Variants in ASIP observed in about 807,000 individuals in gnomAD.
The protein encoded by ASIP is agouti signaling protein.
Under a neutral mutation model 10.3 loss-of-function variants are expected in ASIP, and 11 were observed. The observed-to-expected ratio is 1.07, with a 90% CI of 0.68 to 1.78. The LOEUF (loss-of-function observed/expected upper bound fraction) is 1.78. Ranked by LOEUF, ASIP falls within the 40% of genes most tolerant of loss-of-function variation. The pLI, the probability that ASIP is intolerant of heterozygous loss-of-function variation, is 0.00. For synonymous variants in ASIP, 70 were observed against 70.8 expected (o/e 0.99, Z 0.06); for missense variants, 180 against 169.2 (o/e 1.06, Z -0.35).
chr20:34,244,115 G>T (rs1308269357), intron 1 of ASIP, among the ~76,000 whole-genome samples: 1 of 152,134 alleles, frequency 6.6e-6, no homozygotes, highest in African/African-American at 2.4e-5. Context: ...TAATTTGCAT[G>T]ACAATAAACC....
upstream of ASIP, among the ~76,000 whole-genome samples, chr20:34,189,928 G>A (rs536376939): frequency 4.6e-4 from 70 of 152,284 alleles, 1 homozygote; most frequent in African/African-American, 8.9e-4. Context: ...AGCTCGGTCC[G>A]GTGGACTGCT....
intron 1 of ASIP, chr20:34,214,548 A>G: frequency 6.7e-7 from 1 of 1,502,698 alleles, no homozygotes; most frequent in South Asian, 1.1e-5. Context: ...TGAACCGTGT[A>G]GTCTGCCAAT....
intron 1 of ASIP, among the ~76,000 whole-genome samples, chr20:34,259,323 G>A (rs2035649214): frequency 6.6e-6 from 1 of 152,050 alleles, no homozygotes; most frequent in South Asian, 2.1e-4. Flanking sequence ...GACCAGCCTG[G>A]CCAACATGGT....
chr20:34,217,700 T>C (rs1240454356), intron 1 of ASIP, among the ~76,000 whole-genome samples: 3 of 152,006 alleles, frequency 2.0e-5, no homozygotes, highest in Non-Finnish European at 2.9e-5. Flanking sequence ...TAGCTGGGAC[T>C]GCAGGCGCCC....
chr20:34,258,844 T>C (rs1253841870), intron 1 of ASIP, among the ~76,000 whole-genome samples: 3 of 122,656 alleles, frequency 2.4e-5, no homozygotes, highest in Non-Finnish European at 5.0e-5. Context: ...ATATATATAG[T>C]GTATATATAA....
chr20:34,224,537 A>T lies in ASIP; in HGVS notation c.-11+29777A>T, dbSNP rs528154422. On this transcript the variant is annotated intron_variant, in intron 1 of 3. Coordinates refer to the ASIP transcript ENST00000568305. ...CATAATATAGTTATGAATCAGAAAC[A>T]TGCATACATTTTCTTAAATGACCCT... Among the ~76,000 whole-genome samples the T allele has an allele frequency of 1.6e-3, 240 of 152,300 alleles. 1 individual carries two copies. Among genetic ancestry groups the T allele is most frequent in the South Asian group, 4.6e-3 (22 of 4,828 alleles).
chr20:34,260,325 C>T, intron 1 of ASIP, 40 bp from the exon 2 acceptor site: 1 of 1,586,776 alleles, frequency 6.3e-7, no homozygotes, highest in South Asian at 1.1e-5. Flanking sequence ...TACCATTACC[C>T]CTGACCCACC....
intron 1 of ASIP, among the ~76,000 whole-genome samples, chr20:34,249,189 T>C (rs372750278): frequency 1.3e-5 from 2 of 152,010 alleles, no homozygotes; most frequent in East Asian, 3.9e-4. Context: ...AAGTTATCCA[T>C]AGAGAGAAAG....
chr20:34,223,161 G>A (rs1228648810), intron 1 of ASIP, among the ~76,000 whole-genome samples: 2 of 151,750 alleles, frequency 1.3e-5, no homozygotes, highest in African/African-American at 2.4e-5. Context: ...CCTCCTGGCC[G>A]CCATCCCATC....
At chr20:34,190,577 A>T (rs2034818759), upstream of ASIP, among the ~76,000 whole-genome samples, 1 of 152,118 alleles carries the variant, frequency 6.6e-6, no homozygotes, top group Non-Finnish European at 1.5e-5. Flanking sequence ...AGATATCTAT[A>T]TTTCAGTGTA....
In ASIP at chr20:34,232,756, G is replaced by C. The variant is rs151149113; in HGVS notation, c.-10-27609G>C. Among the ~76,000 whole-genome samples, 6 of 152,288 alleles carry C rather than the reference G, an allele frequency of 3.9e-5. No individual in the cohort carries two copies. In the East Asian group the frequency reaches 1.2e-3, roughly 29 times the overall value. ...TGTATGTAGATGTATGTCCACCTTT[G>C]ACAGCACCAGGCACAGAAGGCATAG... On this transcript the variant is annotated intron_variant, in intron 1 of 3. Transcript: ENST00000568305.
intron 1 of ASIP, among the ~76,000 whole-genome samples, chr20:34,235,839 A>AAGAAAG (rs1568755928): frequency 3.1e-5 from 2 of 64,390 alleles, no homozygotes; most frequent in African/African-American, 3.5e-4. Flanking sequence ...GAAAGAAAGA[A>AAGAAAG]AGAAGGAAGG....
chr20:34,239,371 C>T (rs2035253507), upstream of ASIP, among the ~76,000 whole-genome samples: 1 of 152,136 alleles, frequency 6.6e-6, no homozygotes, highest in African/African-American at 2.4e-5. Context: ...CACCTGCCAC[C>T]ACACCTGGCT....
intron 3 of ASIP, 21 bp from the exon 4 acceptor site, chr20:34,268,970 G>A (rs2122688638): frequency 6.3e-7 from 1 of 1,587,462 alleles, no homozygotes; most frequent in Non-Finnish European, 8.6e-7. Flanking sequence ...GGCTCATAAA[G>A]CCCCGGCGTT....
At chr20:34,215,791 G>A in intron 1 of ASIP, 1 of 1,543,074 alleles carries the variant, frequency 6.5e-7, no homozygotes, top group South Asian at 1.1e-5. Flanking sequence ...ACACCTGCCA[G>A]GCATCTGGGG....
At chr20:34,253,623 C>G (rs1057279161) in intron 1 of ASIP, among the ~76,000 whole-genome samples, 1 of 152,036 alleles carries the variant, frequency 6.6e-6, no homozygotes, top group South Asian at 2.1e-4. Flanking sequence ...AGGCATGCAC[C>G]ACCAAGCCTG....
chr20:34,215,898 C>T, intron 1 of ASIP: 1 of 932,828 alleles, frequency 1.1e-6, no homozygotes, highest in Non-Finnish European at 1.8e-6. Context: ...TCCATCCTTG[C>T]TGCTATACTT....
chr20:34,201,685 G>A (rs1361926634), intron 1 of ASIP, among the ~76,000 whole-genome samples: 2 of 152,172 alleles, frequency 1.3e-5, no homozygotes, highest in Non-Finnish European at 1.5e-5. Context: ...ACACCAAAGA[G>A]GATTTTTTTT....
At chr20:34,201,300 T>C (rs1443903325) in intron 1 of ASIP, among the ~76,000 whole-genome samples, 1 of 152,146 alleles carries the variant, frequency 6.6e-6, no homozygotes, top group East Asian at 1.9e-4. Context: ...TTGCCTGATC[T>C]AAACTCAATA....
Sources: allele counts gnomAD v4.1 joint callset (sites outside exome capture counted in the v4.1 genomes callset), GRCh38; gene constraint gnomAD v4.1.1; transcripts MANE v1.5; gene names NCBI Gene and HGNC (gene_info 2026-07-23, HGNC 2026-07-21).